CALCR: variants seen among roughly 807,000 people sequenced by gnomAD.
CALCR encodes calcitonin receptor.
Under a neutral mutation model 59.5 loss-of-function variants are expected in CALCR, and 47 were observed. The observed-to-expected ratio is 0.79, with a 90% CI of 0.63 to 1.01. CALCR has a LOEUF of 1.01. CALCR is among the 50% of genes least tolerant of loss of function. The pLI is 0.00. For missense variants in CALCR, 566 were observed against 597.1 expected, an observed-to-expected ratio of 0.95 and a Z score of 0.54; for synonymous variants, 213 against 211.3, an observed-to-expected ratio of 1.01 and a Z score of -0.07.
At chr7:93,573,145 T>C (rs1013670259) in intron 2 of CALCR, among the ~76,000 whole-genome samples, 1 of 152,206 alleles carries the variant, frequency 6.6e-6, no homozygotes, top group African/African-American at 2.4e-5. Context: ...AGCTGAGTTA[T>C]TTTACTACTG....
intron 5 of CALCR, among the ~76,000 whole-genome samples, chr7:93,473,241 G>A (rs1214796289): frequency 1.3e-5 from 2 of 151,850 alleles, no homozygotes; most frequent in African/African-American, 2.4e-5. Context: ...GCCAGGCACT[G>A]TGCTCAGCAC....
intron 8 of CALCR, among the ~76,000 whole-genome samples, chr7:93,460,566 A>ATATATATATAT (rs1399357588): frequency 4.9e-5 from 4 of 82,272 alleles, no homozygotes; most frequent in African/African-American, 3.9e-4. Context: ...AAAAAAAAAA[A>ATATATATATAT]AAAAAAATAT....
intron 2 of CALCR, among the ~76,000 whole-genome samples, chr7:93,539,565 A>C (rs2116171735): frequency 6.6e-6 from 1 of 152,198 alleles, no homozygotes; most frequent in African/African-American, 2.4e-5. Context: ...ATTACACCCA[A>C]AGAGTCGTTT....
intron 2 of CALCR, among the ~76,000 whole-genome samples, chr7:93,524,429 C>G (rs528342088): frequency 7.0e-4 from 106 of 152,234 alleles, no homozygotes; most frequent in Non-Finnish European, 1.3e-3. Context: ...CTCAGCCTCC[C>G]AAAGTGCTGG....
At chr7:93,426,642 G>T in intron 13 of CALCR, 53 bp from the exon 14 acceptor site, 1 of 927,660 alleles carries the variant, frequency 1.1e-6, no homozygotes, top group Non-Finnish European at 1.7e-6. Context: ...AATGATCCAT[G>T]CAAAGTGTAC....
At chr7:93,563,466 A>G (rs1478861773) in intron 2 of CALCR, among the ~76,000 whole-genome samples, 1 of 152,160 alleles carries the variant, frequency 6.6e-6, no homozygotes, top group Non-Finnish European at 1.5e-5. Context: ...CACCTTTAAA[A>G]GAGTAAAGCA....
intron 8 of CALCR, among the ~76,000 whole-genome samples, chr7:93,445,331 A>C (rs1799987954): frequency 6.6e-6 from 1 of 152,036 alleles, no homozygotes; most frequent in Non-Finnish European, 1.5e-5. Flanking sequence ...TTCAGTTGTT[A>C]CTCTGGATTC....
intron 2 of CALCR, among the ~76,000 whole-genome samples, chr7:93,539,619 G>T (rs960378402): frequency 1.3e-5 from 2 of 152,040 alleles, no homozygotes; most frequent in African/African-American, 4.8e-5. Context: ...ATGACCTAGG[G>T]TTATATCCCA....
chr7:93,510,649 C>T (rs1197833550), intron 2 of CALCR, among the ~76,000 whole-genome samples: 1 of 152,020 alleles, frequency 6.6e-6, no homozygotes, highest in African/African-American at 2.4e-5. Context: ...GGGAGAATTG[C>T]TTGAGGCCAG....
chr7:93,541,976 A>G (rs1001199094), intron 2 of CALCR, among the ~76,000 whole-genome samples: 2 of 152,206 alleles, frequency 1.3e-5, no homozygotes, highest in African/African-American at 4.8e-5. Context: ...GGCTGATTAC[A>G]TAAAATTTGG....
intron 7 of CALCR, chr7:93,462,160 T>G: frequency 1.0e-6 from 1 of 994,764 alleles, no homozygotes; most frequent in Non-Finnish European, 1.5e-6. Context: ...AGAGCATATT[T>G]TAACTATTAT....
chr7:93,473,275 G>A (rs935255741), intron 5 of CALCR, among the ~76,000 whole-genome samples: 2 of 151,780 alleles, frequency 1.3e-5, no homozygotes, highest in Non-Finnish European at 2.9e-5. Context: ...CTTCTTTAAC[G>A]TTAATAATGA....
At chr7:93,533,475 C>T (rs1788902479) in intron 2 of CALCR, among the ~76,000 whole-genome samples, 1 of 151,932 alleles carries the variant, frequency 6.6e-6, no homozygotes, top group Non-Finnish European at 1.5e-5. Context: ...TAATTATCAG[C>T]CTTTGACCTC....
chr7:93,524,542 A>G (rs896925469), intron 2 of CALCR, among the ~76,000 whole-genome samples: 2 of 151,960 alleles, frequency 1.3e-5, no homozygotes, highest in African/African-American at 4.8e-5. Context: ...CAGTATTCTT[A>G]TATCTCATAT....
chr7:93,477,152 A>G (rs992689029), intron 5 of CALCR, among the ~76,000 whole-genome samples: 2 of 151,762 alleles, frequency 1.3e-5, no homozygotes, highest in African/African-American at 4.8e-5. Context: ...AACAAATTTC[A>G]CCCATTAACA....
At chr7:93,471,906 T>C (rs1197459727) in intron 6 of CALCR, among the ~76,000 whole-genome samples, 1 of 151,848 alleles carries the variant, frequency 6.6e-6, no homozygotes, top group Non-Finnish European at 1.5e-5. Flanking sequence ...ATTAGTGGAC[T>C]GATGAGATGC....
At chr7:93,496,055 C>A in intron 2 of CALCR, 1 of 705,526 alleles carries the variant, frequency 1.4e-6, no homozygotes, top group Admixed American at 3.5e-5. Flanking sequence ...AACAAATTTA[C>A]TTGAAAAGCA....
chr7:93,549,986 G>T (rs1789401856), intron 2 of CALCR, among the ~76,000 whole-genome samples: 2 of 152,104 alleles, frequency 1.3e-5, no homozygotes, highest in African/African-American at 4.8e-5. Flanking sequence ...GCAATAATTT[G>T]CTTCAGAACA....
chr7:93,501,342 C>T (rs1801317783), intron 2 of CALCR, among the ~76,000 whole-genome samples: 2 of 151,982 alleles, frequency 1.3e-5, no homozygotes, highest in African/African-American at 4.8e-5. Flanking sequence ...CTTGCCAGTT[C>T]ACGTTTAAAA....
Sources: allele counts gnomAD v4.1 joint callset (sites outside exome capture counted in the v4.1 genomes callset), GRCh38; gene constraint gnomAD v4.1.1; transcripts MANE v1.5; gene names NCBI Gene and HGNC (gene_info 2026-07-23, HGNC 2026-07-21).